SLC25A43: variants seen among roughly 807,000 people sequenced by gnomAD.
SLC25A43 encodes solute carrier family 25 member 43.
Under a neutral mutation model 22.8 loss-of-function variants are expected in SLC25A43, and 10 were observed. The ratio of observed to expected loss-of-function variants is 0.44; its 90% confidence interval spans 0.27 to 0.74. The LOEUF (loss-of-function observed/expected upper bound fraction) is 0.74, where lower values mean the gene tolerates loss of function less well. Ranked by LOEUF, SLC25A43 falls within the 30% of genes least tolerant of loss-of-function variation. The pLI is 0.17. For synonymous variants in SLC25A43, 106 were observed against 121.6 expected (o/e 0.87, Z 0.84); for missense variants, 233 against 279.1 (o/e 0.83, Z 1.18).
At chrX:119,445,703 T>C (rs946542311) in intron 3 of SLC25A43, among the ~76,000 whole-genome samples, 11 of 111,787 alleles carry the variant, frequency 9.8e-5, no homozygotes, top group African/African-American at 3.3e-4. Context: ...CTCCAGGTCA[T>C]AGGTTTTTGT....
chrX:119,426,294 G>A (rs7064583), intron 3 of SLC25A43: 15 of 717,073 alleles, frequency 2.1e-5, no homozygotes, highest in African/African-American at 1.6e-4. Context: ...ACTTACTCCC[G>A]CGTGAACTTG....
intron 3 of SLC25A43, among the ~76,000 whole-genome samples, chrX:119,446,178 A>G (rs1177831024): frequency 2.2e-5 from 2 of 91,479 alleles, no homozygotes; most frequent in South Asian, 1.0e-3. Flanking sequence ...AAAAAAAAAA[A>G]GAAAGTCCAG....
At chrX:119,441,823 C>T (rs1197621982) in intron 3 of SLC25A43, among the ~76,000 whole-genome samples, 1 of 111,509 alleles carries the variant, frequency 9.0e-6, no homozygotes, top group African/African-American at 3.3e-5. Context: ...GGCGCAGTGG[C>T]TCACGCCTGT....
intron 4 of SLC25A43, among the ~76,000 whole-genome samples, chrX:119,452,464 T>C (rs1478600407): frequency 3.9e-5 from 4 of 102,521 alleles, no homozygotes; most frequent in African/African-American, 1.5e-4. Flanking sequence ...TATGCATATG[T>C]GCATCATATT....
At chrX:119,422,297 T>A (rs1748813610) in intron 3 of SLC25A43, among the ~76,000 whole-genome samples, 1 of 111,556 alleles carries the variant, frequency 9.0e-6, no homozygotes, top group Non-Finnish European at 1.9e-5. Flanking sequence ...TTTCTGTCCA[T>A]GCCCTACCTC....
chrX:119,447,970 C>G (rs2052680205), intron 3 of SLC25A43, among the ~76,000 whole-genome samples: 1 of 111,427 alleles, frequency 9.0e-6, no homozygotes, highest in South Asian at 3.8e-4. Context: ...GAATGGCTAA[C>G]AAGCATTGCG....
intron 2 of SLC25A43, 33 bp from the exon 3 acceptor site, chrX:119,410,157 C>G: frequency 8.3e-7 from 1 of 1,201,340 alleles, no homozygotes; most frequent in Non-Finnish European, 1.1e-6. Flanking sequence ...TTTCCCAAGA[C>G]AGCAGCAGCT....
At position 119,449,737 on chromosome X, in the gene SLC25A43, GAAAGA is replaced by G. The variant is rs375013928; in HGVS notation, c.691-2250_691-2246del. The stretch of plus-strand genomic sequence containing the variant: ...AGAGCGAGACTCTGTCTCAAAAAAA[GAAAGA>G]AAAGAAAAGAAAAGAAAAGAATTGA... On this transcript the variant is annotated intron_variant, in intron 3 of 4. Coordinates refer to ENST00000217909, the MANE Select transcript of SLC25A43 (RefSeq NM_145305.3). 2.4e-3 allele frequency among the ~76,000 whole-genome samples: 269 copies of G among 110,753 alleles called. 1 individual carries two copies. Among genetic ancestry groups the G allele is most frequent in the South Asian group, 6.8e-3 (18 of 2,638 alleles).
intron 3 of SLC25A43, among the ~76,000 whole-genome samples, chrX:119,427,577 C>T (rs1839607837): frequency 8.9e-6 from 1 of 112,259 alleles, no homozygotes; most frequent in Non-Finnish European, 1.9e-5. Flanking sequence ...GTTCACAGGA[C>T]AGAAAGGTTC....
At chrX:119,405,699 G>A (rs1363003610) in intron 1 of SLC25A43, among the ~76,000 whole-genome samples, 1 of 109,973 alleles carries the variant, frequency 9.1e-6, no homozygotes, top group African/African-American at 3.3e-5. Flanking sequence ...GAGCCTGGGA[G>A]GTGGATGTTG....
chrX:119,453,163 C>T lies in SLC25A43; in HGVS notation c.*98C>T, dbSNP rs759157935. ...GCACCTGAGGAGGGATGAGAAGCTA[C>T]TGCTATCTGCTGCTCTGGGAAATGA... On this transcript the variant is annotated 3_prime_UTR_variant, in exon 5 of 5. Transcript: ENST00000217909. 2 of 695,060 alleles carry T rather than the reference C, an allele frequency of 2.9e-6. No homozygotes were observed. Among genetic ancestry groups the T allele is most frequent in the East Asian group, 6.6e-5 (2 of 30,171 alleles). The allele number at this position is 695,060 out of a possible 1,213,427, so 57.3% of individuals were successfully genotyped here. A position where few individuals can be genotyped will look rare whatever the true frequency, so the allele number is the denominator to read the frequency against.
At position 119,453,534 on chromosome X, in the gene SLC25A43, T is replaced by C. The variant is rs1019247021; in HGVS notation, c.*469T>C. 2.4e-5 allele frequency: 3 copies of C among 123,619 alleles called. No homozygotes were observed. Among genetic ancestry groups the C allele is most frequent in the East Asian group, 4.9e-4 (2 of 4,041 alleles). The allele number at this position is 123,619 out of a possible 1,213,427, so 10.2% of individuals were successfully genotyped here. On this transcript the variant is annotated 3_prime_UTR_variant, in exon 5 of 5. Coordinates refer to ENST00000217909, the MANE Select transcript of SLC25A43 (RefSeq NM_145305.3). The stretch of plus-strand genomic sequence containing the variant: ...ACCTGAGACTTTCCAATACAATCTG[T>C]TGTTTTGTTTTGTTTTTAGAGACAG...
chrX:119,410,078 C>T, intron 2 of SLC25A43, 112 bp from the exon 3 acceptor site: 1 of 848,579 alleles, frequency 1.2e-6, no homozygotes, highest in East Asian at 3.1e-5. Flanking sequence ...GGGATTTTAG[C>T]AACCCCAGAG....
intron 3 of SLC25A43, among the ~76,000 whole-genome samples, chrX:119,447,750 C>T (rs2052678918): frequency 9.0e-6 from 1 of 111,162 alleles, no homozygotes; most frequent in Non-Finnish European, 1.9e-5. Context: ...GGACACCACA[C>T]TTTCCTTTTC....
chrX:119,401,842 G>A (rs1213705841), intron 1 of SLC25A43, among the ~76,000 whole-genome samples: 1 of 110,284 alleles, frequency 9.1e-6, no homozygotes, highest in Non-Finnish European at 1.9e-5. Flanking sequence ...GGCCAGTTAG[G>A]AACCTGTTGC....
At chrX:119,409,010 A>G (rs1038151467) in intron 2 of SLC25A43, among the ~76,000 whole-genome samples, 1 of 109,763 alleles carries the variant, frequency 9.1e-6, no homozygotes, top group Non-Finnish European at 1.9e-5. Context: ...TTTTTACTTG[A>G]GTGATTTTTT....
At chrX:119,449,429 AG>A (rs1199685566) in intron 3 of SLC25A43, among the ~76,000 whole-genome samples, 57 of 87,927 alleles carry the variant, frequency 6.5e-4, no homozygotes, top group South Asian at 1.1e-3. Flanking sequence ...AAAAAAAAAA[AG>A]AAGAAGAATG....
chrX:119,443,655 T>C (rs1024562096), intron 3 of SLC25A43, among the ~76,000 whole-genome samples: 2 of 110,860 alleles, frequency 1.8e-5, no homozygotes, highest in Non-Finnish European at 3.8e-5. Flanking sequence ...TGTGTTTGCT[T>C]GTCACTGCAC....
At chrX:119,435,187 T>C (rs2052591472) in intron 3 of SLC25A43, among the ~76,000 whole-genome samples, 1 of 110,214 alleles carries the variant, frequency 9.1e-6, no homozygotes, top group East Asian at 2.9e-4. Context: ...GCAGAGCAGA[T>C]CATATAGGAC....
Sources: gnomAD v4.1 joint callset for allele counts (sites outside exome capture counted in the v4.1 genomes callset) on GRCh38, gnomAD v4.1.1 for gene constraint, MANE v1.5 for transcripts, NCBI Gene and HGNC (gene_info 2026-07-23, HGNC 2026-07-21) for gene names.